The following C3orf52 variants were observed in gnomAD, a reference collection of about 807,000 sequenced individuals.
The protein encoded by C3orf52 is TPA-induced transmembrane protein.
A neutral mutation model predicts 24.8 loss-of-function variants in C3orf52; 22 were observed. The observed-to-expected ratio is 0.89, with a 90% confidence interval of 0.63 to 1.27. The LOEUF (loss-of-function observed/expected upper bound fraction) is 1.27. Among genes scored for constraint, C3orf52 ranks in the 50% most tolerant of loss-of-function variants. C3orf52 has a pLI of 0.00. For synonymous variants in C3orf52, 93 were observed against 100.2 expected (o/e 0.93, Z 0.43); for missense variants, 265 against 260.7 (o/e 1.02, Z -0.11).
chr3:112,104,185 GGATGGCGGTGTC>G (rs1228507252), intron 3 of C3orf52, among the ~76,000 whole-genome samples: 6 of 152,296 alleles, frequency 3.9e-5, no homozygotes, highest in Admixed American at 1.3e-4. Context: ...TTGGGCAGAT[GGATGGCGGTGTC>G]AGTCATGGGA....
At chr3:112,116,553 T>C (rs1033322926) in intron 5 of C3orf52, 89 bp from the exon 6 acceptor site, 3 of 1,253,630 alleles carry the variant, frequency 2.4e-6, no homozygotes, top group South Asian at 1.6e-5. Flanking sequence ...GATTTTACAC[T>C]AAAATTCAAT....
At chr3:112,127,243 C>T (rs981429204) in intron 4 of C3orf52, among the ~76,000 whole-genome samples, 7 of 152,158 alleles carry the variant, frequency 4.6e-5, no homozygotes, top group African/African-American at 1.4e-4. Context: ...TCTCTCTCTC[C>T]TCCTCTCTTT....
chr3:112,119,189 C>T (rs1000398201), downstream of C3orf52, among the ~76,000 whole-genome samples: 10 of 152,094 alleles, frequency 6.6e-5, no homozygotes, highest in Admixed American at 3.3e-4. Flanking sequence ...TCGAGACCAG[C>T]CTGACAAACA....
downstream of C3orf52, among the ~76,000 whole-genome samples, chr3:112,131,202 G>A (rs1313469766): frequency 3.3e-5 from 5 of 152,048 alleles, no homozygotes; most frequent in Admixed American, 3.3e-4. Context: ...GGAAACTGAG[G>A]CCCAAAATGC....
intron 4 of C3orf52, among the ~76,000 whole-genome samples, chr3:112,125,600 TGCACCAG>T (rs1277092650): frequency 6.6e-6 from 1 of 152,208 alleles, no homozygotes; most frequent in East Asian, 1.9e-4. Context: ...TCAGTGCCTC[TGCACCAG>T]GCACTGGGGA....
chr3:112,112,715 C>G, intron 4 of C3orf52: 1 of 491,574 alleles, frequency 2.0e-6, no homozygotes, highest in Non-Finnish European at 3.8e-6. Flanking sequence ...CTGATGGCCT[C>G]TCCCAGTGGA....
chr3:112,093,578 G>A (rs923463863), intron 2 of C3orf52, 89 bp downstream of exon 2: 26 of 1,224,480 alleles, frequency 2.1e-5, no homozygotes, highest in Non-Finnish European at 3.0e-5. Flanking sequence ...TGTACTCATA[G>A]CCATTTCATT....
At chr3:112,118,767 G>C (rs890736912), downstream of C3orf52, among the ~76,000 whole-genome samples, 1 of 152,164 alleles carries the variant, frequency 6.6e-6, no homozygotes, top group African/African-American at 2.4e-5. Context: ...GGTACATAGT[G>C]AGGTTTTAAT....
downstream of C3orf52, chr3:112,131,031 T>A (rs569758271): frequency 6.3e-6 from 1 of 158,912 alleles, no homozygotes; most frequent in East Asian, 1.8e-4. Context: ...GATTTCTGTA[T>A]ACCCATCTTC....
At chr3:112,118,340 A>G (rs1031254991), downstream of C3orf52, 1 of 152,146 alleles carries the variant, frequency 6.6e-6, no homozygotes, top group Non-Finnish European at 1.5e-5. Flanking sequence ...AATAAGATCA[A>G]GCCAAGTTTG....
chr3:112,125,865 G>A (rs903170146), intron 4 of C3orf52, among the ~76,000 whole-genome samples: 3 of 152,208 alleles, frequency 2.0e-5, no homozygotes, highest in African/African-American at 7.2e-5. Context: ...ATTTTTCAAA[G>A]CCTAGTTAAA....
chr3:112,130,166 G>A (rs1197350844), downstream of C3orf52: 1 of 394,092 alleles, frequency 2.5e-6, no homozygotes, highest in Admixed American at 3.8e-5. Context: ...AATGACAACA[G>A]GAAATAAGAC....
Position 112,086,415 on chromosome 3 carries a change from T to C in C3orf52, c.8T>C (p.Leu3Pro), listed in dbSNP as rs926581094. Residue 3 changes from leucine (L) to proline (P), a missense_variant, in exon 1 of 6, where the codon CTG becomes CCG. Coordinates refer to ENST00000264848, the MANE Select transcript of C3orf52 (RefSeq NM_024616.3). The part of the protein sequence containing the change: MD[L>P]AQPSQPVDEL... The stretch of plus-strand genomic sequence containing the variant: ...GACTTTCCCTGCCGGCACATGGACC[T>C]GGCCCAACCCTCACAGCCAGTAGAC... 4 of 1,547,900 alleles carry C rather than the reference T, an allele frequency of 2.6e-6. No homozygotes were observed. Among genetic ancestry groups the C allele is most frequent in the African/African-American group, 2.7e-5 (2 of 72,792 alleles).
chr3:112,103,106 A>G, intron 3 of C3orf52, 141 bp downstream of exon 3: 3 of 730,042 alleles, frequency 4.1e-6, no homozygotes, highest in Non-Finnish European at 6.8e-6. Flanking sequence ...TGATGCTTAT[A>G]AATATATTTT....
rs2074143176 is a variant in C3orf52 at position 112,117,194 on chromosome 3, C to T, written c.*548C>T. 2 of 540,472 alleles carry T rather than the reference C, an allele frequency of 3.7e-6. No individual in the cohort carries two copies. Among genetic ancestry groups the T allele is most frequent in the South Asian group, 3.0e-5 (1 of 33,802 alleles). The allele number at this position is 540,472 out of a possible 1,614,324, so 33.5% of individuals were successfully genotyped here. On this transcript the variant is annotated 3_prime_UTR_variant, in exon 6 of 6. Coordinates refer to ENST00000264848, the MANE Select transcript of C3orf52 (RefSeq NM_024616.3). ...TTATTCACTGAAGTCATCCTCCTCC[C>T]CCCCACCATTCGATTTGATCTACCT...
intron 5 of C3orf52, 106 bp downstream of exon 5, chr3:112,113,251 G>A (rs2074103790): frequency 3.8e-6 from 3 of 788,354 alleles, no homozygotes; most frequent in East Asian, 5.4e-5. Context: ...ACTTGGTACT[G>A]TGTCAGACTA....
At chr3:112,134,474 C>G (rs952063152), downstream of C3orf52, 1 of 152,206 alleles carries the variant, frequency 6.6e-6, no homozygotes, top group Non-Finnish European at 1.5e-5. Context: ...CTCCCGCTCC[C>G]ACAGAGAGTT....
downstream of C3orf52, chr3:112,132,519 A>T (rs1195117440): frequency 3.1e-6 from 1 of 318,360 alleles, no homozygotes; most frequent in Non-Finnish European, 4.5e-6. Flanking sequence ...AGCACAATAC[A>T]CACTAGAACT....
chr3:112,136,198 G>C, the C3orf52 span, among the ~76,000 whole-genome samples: 1 of 152,202 alleles, frequency 6.6e-6, no homozygotes, highest in Non-Finnish European at 1.5e-5. Flanking sequence ...GTGCTGTCAA[G>C]TCCTCTTATG....
Sources: allele counts gnomAD v4.1 joint callset (sites outside exome capture counted in the v4.1 genomes callset), GRCh38; gene constraint gnomAD v4.1.1; transcripts MANE v1.5; gene names NCBI Gene and HGNC (gene_info 2026-07-23, HGNC 2026-07-21).